Variants in UNC5D observed in about 807,000 individuals in gnomAD.
The protein encoded by UNC5D is unc-5 netrin receptor D, also known as netrin receptor UNC5D.
A neutral mutation model predicts 105.4 loss-of-function variants in UNC5D; 39 were observed. The ratio of observed to expected loss-of-function variants is 0.37; its 90% confidence interval spans 0.29 to 0.48. UNC5D has a LOEUF of 0.48. Among genes scored for constraint, UNC5D ranks in the 20% least tolerant of loss-of-function variants. The pLI, the probability that UNC5D is intolerant of heterozygous loss-of-function variation, is 0.98. For synonymous variants in UNC5D, 452 were observed against 450.4 expected (o/e 1.00, Z -0.04); for missense variants, 991 against 1,202.4 (o/e 0.82, Z 2.60).
chr8:35,436,702 G>A (rs1431056612), intron 1 of UNC5D, among the ~76,000 whole-genome samples: 2 of 151,934 alleles, frequency 1.3e-5, no homozygotes, highest in African/African-American at 4.8e-5. Context: ...TGTGGAGACT[G>A]GAAGACAAAA....
At chr8:35,289,323 A>C (rs1806857090) in intron 1 of UNC5D, among the ~76,000 whole-genome samples, 1 of 152,252 alleles carries the variant, frequency 6.6e-6, no homozygotes, top group Admixed American at 6.5e-5. Flanking sequence ...TTGTAAATAT[A>C]TGTGCACTAA....
chr8:35,305,649 TTTC>T (rs1363935776), intron 1 of UNC5D, among the ~76,000 whole-genome samples: 11 of 149,938 alleles, frequency 7.3e-5, no homozygotes, highest in East Asian at 1.9e-4. Flanking sequence ...CTCTTCTTTC[TTTC>T]TTTTCTTTCT....
chr8:35,253,551 A>G (rs1436301242), intron 1 of UNC5D, among the ~76,000 whole-genome samples: 1 of 132,142 alleles, frequency 7.6e-6, no homozygotes, highest in Admixed American at 9.5e-5. Flanking sequence ...CAGTGGCACT[A>G]TCTCAGCTCA....
intron 4 of UNC5D, among the ~76,000 whole-genome samples, chr8:35,632,444 C>A (rs1822099887): frequency 6.6e-6 from 1 of 152,202 alleles, no homozygotes; most frequent in Non-Finnish European, 1.5e-5. Flanking sequence ...GGAAGGGGGC[C>A]TGGGCCCTTC....
chr8:35,639,607 G>A (rs1373583243), intron 4 of UNC5D, among the ~76,000 whole-genome samples: 1 of 151,942 alleles, frequency 6.6e-6, no homozygotes, highest in Non-Finnish European at 1.5e-5. Flanking sequence ...ATATCTGAAA[G>A]CCAATTAATA....
intron 1 of UNC5D, among the ~76,000 whole-genome samples, chr8:35,544,195 C>T (rs915093558): frequency 7.9e-5 from 12 of 152,124 alleles, no homozygotes; most frequent in Non-Finnish European, 1.6e-4. Flanking sequence ...ACTTGGTAAA[C>T]GGCAGCTCTT....
chr8:35,470,579 A>T (rs757306771), intron 1 of UNC5D, among the ~76,000 whole-genome samples: 3 of 139,890 alleles, frequency 2.1e-5, no homozygotes, highest in Non-Finnish European at 4.6e-5. Flanking sequence ...AACATGGTGA[A>T]ACCCTATCTC....
intron 1 of UNC5D, among the ~76,000 whole-genome samples, chr8:35,261,116 G>T (rs1353473056): frequency 6.6e-6 from 1 of 152,202 alleles, no homozygotes; most frequent in East Asian, 1.9e-4. Context: ...CTGCAGAGAA[G>T]CAATTAATTG....
intron 8 of UNC5D, among the ~76,000 whole-genome samples, chr8:35,714,241 A>T (rs1487465129): frequency 1.3e-5 from 2 of 152,240 alleles, no homozygotes; most frequent in Non-Finnish European, 2.9e-5. Context: ...TGGTGGTGTC[A>T]TTACCAGAAA....
intron 8 of UNC5D, among the ~76,000 whole-genome samples, chr8:35,719,755 A>T (rs1276934146): frequency 6.6e-6 from 1 of 152,030 alleles, no homozygotes; most frequent in Non-Finnish European, 1.5e-5. Flanking sequence ...AATAATTCCC[A>T]TTTTGCTTAT....
At chr8:35,734,884 G>A (rs1460018844) in intron 11 of UNC5D, among the ~76,000 whole-genome samples, 1 of 149,940 alleles carries the variant, frequency 6.7e-6, no homozygotes, top group East Asian at 2.0e-4. Context: ...CCAGGTTCAA[G>A]TGATTCTCTC....
chr8:35,784,589 A>G (rs1231961692), intron 16 of UNC5D, among the ~76,000 whole-genome samples: 9 of 152,070 alleles, frequency 5.9e-5, no homozygotes, highest in Non-Finnish European at 1.3e-4. Flanking sequence ...ATCTACTAAA[A>G]GTACAAAAAT....
chr8:35,650,250 G>A (rs998472799), intron 4 of UNC5D, among the ~76,000 whole-genome samples: 3 of 152,144 alleles, frequency 2.0e-5, no homozygotes, highest in African/African-American at 4.8e-5. Context: ...GGCCTGCTCC[G>A]TCGTTGACTT....
chr8:35,577,383 G>A (rs1818163810), intron 3 of UNC5D, among the ~76,000 whole-genome samples: 1 of 152,122 alleles, frequency 6.6e-6, no homozygotes, highest in Non-Finnish European at 1.5e-5. Context: ...ATGATGTTGT[G>A]TTTTTGGAGA....
At chr8:35,283,619 C>T (rs1198245165) in intron 1 of UNC5D, among the ~76,000 whole-genome samples, 1 of 151,786 alleles carries the variant, frequency 6.6e-6, no homozygotes, top group Non-Finnish European at 1.5e-5. Flanking sequence ...AATTACAAAA[C>T]CCTGTCTCTC....
At chr8:35,496,528 G>C (rs1811605460) in intron 1 of UNC5D, among the ~76,000 whole-genome samples, 1 of 152,126 alleles carries the variant, frequency 6.6e-6, no homozygotes, top group African/African-American at 2.4e-5. Flanking sequence ...AGTTTGCTAG[G>C]CTAACGGTGG....
At chr8:35,249,836 A>G (rs1297978754) in intron 1 of UNC5D, among the ~76,000 whole-genome samples, 1 of 151,930 alleles carries the variant, frequency 6.6e-6, no homozygotes, top group Admixed American at 6.6e-5. Flanking sequence ...AGGTTTGGCT[A>G]TTTTTAGCAA....
chr8:35,760,172 C>G (rs1586601466), intron 14 of UNC5D, among the ~76,000 whole-genome samples: 1 of 134,002 alleles, frequency 7.5e-6, no homozygotes, highest in East Asian at 2.0e-4. Flanking sequence ...GCCTCCTGAG[C>G]AGCTGGATTA....
intron 15 of UNC5D, among the ~76,000 whole-genome samples, chr8:35,767,705 G>A (rs886679059): frequency 1.3e-5 from 2 of 152,182 alleles, no homozygotes; most frequent in African/African-American, 2.4e-5. Flanking sequence ...AAAGGACTTT[G>A]TCCAGGTCAA....
Sources: gnomAD v4.1 joint callset for allele counts (sites outside exome capture counted in the v4.1 genomes callset) on GRCh38, gnomAD v4.1.1 for gene constraint, MANE v1.5 for transcripts, NCBI Gene and HGNC (gene_info 2026-07-23, HGNC 2026-07-21) for gene names.